Variants in NOL4L observed in about 807,000 individuals in gnomAD.
NOL4L encodes the protein nucleolar protein 4 like, also known as nucleolar protein 4-like.
NOL4L carries 7 observed loss-of-function variants against 64.5 expected under a neutral mutation model. The ratio of observed to expected loss-of-function variants is 0.11; its 90% confidence interval spans 0.06 to 0.20. The LOEUF is 0.20. NOL4L is among the 10% of genes least tolerant of loss of function. The probability of loss-of-function intolerance (pLI) is 1.00; values close to 1 mark genes in which losing one functional copy is unlikely to be tolerated. For synonymous variants in NOL4L, 413 were observed against 401.0 expected, an observed-to-expected ratio of 1.03 and a Z score of -0.36; for missense variants, 680 against 967.1, an observed-to-expected ratio of 0.70 and a Z score of 3.94.
intron 4 of NOL4L, among the ~76,000 whole-genome samples, chr20:32,476,578 T>C (rs956782333): frequency 6.6e-6 from 1 of 152,218 alleles, no homozygotes; most frequent in African/African-American, 2.4e-5. Flanking sequence ...GACAGAGTAT[T>C]CTAGTAACAG....
intron 1 of NOL4L, among the ~76,000 whole-genome samples, chr20:32,535,289 A>T (rs953998593): frequency 6.9e-6 from 1 of 144,780 alleles, no homozygotes; most frequent in African/African-American, 2.6e-5. Context: ...AAAAAAAAAA[A>T]CCCTCCAAAA....
chr20:32,581,144 G>T (rs1487989341), intron 1 of NOL4L, among the ~76,000 whole-genome samples: 1 of 152,120 alleles, frequency 6.6e-6, no homozygotes. Flanking sequence ...CTAGCTGCCC[G>T]TGGAGGACTC....
At chr20:32,454,024 G>A (rs942102877) in intron 6 of NOL4L, 10 of 480,464 alleles carry the variant, frequency 2.1e-5, no homozygotes, top group East Asian at 3.5e-5. Context: ...CCTGGTTCCC[G>A]GGGCTGCTGA....
intron 1 of NOL4L, among the ~76,000 whole-genome samples, chr20:32,571,108 G>A (rs765317530): frequency 1.3e-5 from 2 of 152,218 alleles, no homozygotes; most frequent in Non-Finnish European, 2.9e-5. Context: ...GGGAACCAGC[G>A]GGCAGGGAAT....
At chr20:32,497,470 A>G (rs1173692092) in intron 4 of NOL4L, among the ~76,000 whole-genome samples, 1 of 152,174 alleles carries the variant, frequency 6.6e-6, no homozygotes, top group African/African-American at 2.4e-5. Flanking sequence ...TCCCGCATTC[A>G]AAATAAAAAG....
chr20:32,545,287 T>G (rs961607413), intron 1 of NOL4L, among the ~76,000 whole-genome samples: 3 of 152,132 alleles, frequency 2.0e-5, no homozygotes, highest in African/African-American at 7.2e-5. Context: ...GAATAAAAAT[T>G]TTTAAAAAAT....
intron 1 of NOL4L, among the ~76,000 whole-genome samples, chr20:32,571,886 G>A (rs1332946735): frequency 2.6e-5 from 4 of 152,248 alleles, no homozygotes; most frequent in African/African-American, 9.6e-5. Flanking sequence ...GGAGTGGCCA[G>A]CGGTTGGCTG....
At chr20:32,491,508 C>T (rs754885894) in intron 4 of NOL4L, among the ~76,000 whole-genome samples, 5 of 152,196 alleles carry the variant, frequency 3.3e-5, no homozygotes, top group African/African-American at 7.2e-5. Flanking sequence ...CTGGGCCATT[C>T]GCTCTGAGGG....
intron 4 of NOL4L, among the ~76,000 whole-genome samples, chr20:32,476,381 G>A (rs541665647): frequency 5.9e-5 from 9 of 152,348 alleles, no homozygotes; most frequent in Admixed American, 5.2e-4. Flanking sequence ...GCTGCAAGGT[G>A]CAGCCGGCTC....
chr20:32,488,797 TTC>T (rs1568648038), intron 4 of NOL4L, among the ~76,000 whole-genome samples: 2 of 23,990 alleles, frequency 8.3e-5, no homozygotes, highest in Non-Finnish European at 6.6e-5. Context: ...CTTCCTTTCT[TTC>T]TTTCTTTTTC....
chr20:32,540,277 A>G (rs531771138), intron 1 of NOL4L, among the ~76,000 whole-genome samples: 1 of 152,346 alleles, frequency 6.6e-6, no homozygotes, highest in Non-Finnish European at 1.5e-5. Flanking sequence ...AGCCACACAC[A>G]CACAGTCAGT....
intron 5 of NOL4L, among the ~76,000 whole-genome samples, chr20:32,467,275 T>C (rs973837960): frequency 2.0e-5 from 3 of 151,838 alleles, no homozygotes; most frequent in Admixed American, 6.6e-5. Context: ...CCTGGATGGG[T>C]CTGGCATTTG....
chr20:32,448,233 C>T (rs2145418038), intron 10 of NOL4L, among the ~76,000 whole-genome samples: 1 of 152,304 alleles, frequency 6.6e-6, no homozygotes, highest in East Asian at 1.9e-4. Flanking sequence ...TCTTCCCCAG[C>T]CCAGACACCG....
intron 4 of NOL4L, among the ~76,000 whole-genome samples, chr20:32,482,916 G>A (rs1353147883): frequency 1.3e-5 from 2 of 151,552 alleles, no homozygotes; most frequent in African/African-American, 2.4e-5. Flanking sequence ...CTCCCTCGCC[G>A]GGACGCGGTG....
chr20:32,569,571 G>A (rs1979635581), intron 1 of NOL4L, among the ~76,000 whole-genome samples: 1 of 152,150 alleles, frequency 6.6e-6, no homozygotes, highest in Non-Finnish European at 1.5e-5. Flanking sequence ...GGGGCTCAGA[G>A]GAGCCAGACA....
At chr20:32,506,144 GA>G (rs1265436106) in intron 4 of NOL4L, among the ~76,000 whole-genome samples, 1 of 152,156 alleles carries the variant, frequency 6.6e-6, no homozygotes, top group Admixed American at 6.5e-5. Context: ...GGAAGCCTGA[GA>G]AAGTTCCTGC....
chr20:32,537,595 A>G (rs1053693994), intron 1 of NOL4L, among the ~76,000 whole-genome samples: 1 of 152,140 alleles, frequency 6.6e-6, no homozygotes, highest in Non-Finnish European at 1.5e-5. Context: ...GATACCAACT[A>G]CTGGGCTCCA....
At chr20:32,566,575 C>T (rs756278099) in intron 1 of NOL4L, among the ~76,000 whole-genome samples, 4 of 152,150 alleles carry the variant, frequency 2.6e-5, no homozygotes, top group Non-Finnish European at 4.4e-5. Flanking sequence ...TTCCTCAAAC[C>T]AACCAGACAC....
At chr20:32,519,834 G>C (rs535174210) in intron 3 of NOL4L, 2 of 152,036 alleles carry the variant, frequency 1.3e-5, no homozygotes, top group African/African-American at 4.8e-5. Flanking sequence ...TTTGAGATGG[G>C]GTCTAACTCT....
Sources: gnomAD v4.1 joint callset for allele counts (sites outside exome capture counted in the v4.1 genomes callset) on GRCh38, gnomAD v4.1.1 for gene constraint, MANE v1.5 for transcripts, NCBI Gene and HGNC (gene_info 2026-07-23, HGNC 2026-07-21) for gene names.